SAMD12: variants seen among roughly 807,000 people sequenced by gnomAD.
SAMD12 encodes sterile alpha motif domain-containing protein 12.
SAMD12 carries 9 observed loss-of-function variants against 15.0 expected under a neutral mutation model. The observed-to-expected ratio is 0.60, with a 90% CI of 0.36 to 1.05. SAMD12 has a LOEUF of 1.05. SAMD12 is among the 50% of genes least tolerant of loss of function. The pLI is 0.01. For synonymous variants in SAMD12, 86 were observed against 90.1 expected (o/e 0.96, Z 0.25); for missense variants, 230 against 234.2 (o/e 0.98, Z 0.12).
At chr8:118,344,035 CT>C (rs1446568824) in intron 4 of SAMD12, among the ~76,000 whole-genome samples, 2 of 152,212 alleles carry the variant, frequency 1.3e-5, no homozygotes, top group East Asian at 3.8e-4. Context: ...TGACTTCCAG[CT>C]TCCATTCTGC....
intron 1 of SAMD12, among the ~76,000 whole-genome samples, chr8:118,615,423 G>T (rs1052392405): frequency 2.8e-4 from 43 of 152,194 alleles, no homozygotes; most frequent in African/African-American, 1.0e-3. Context: ...GACTGGCAGG[G>T]GTCAGAGTGG....
At chr8:118,180,547 T>TG in the SAMD12 span, among the ~76,000 whole-genome samples, 1 of 96,012 alleles carries the variant, frequency 1.0e-5, no homozygotes. Flanking sequence ...TCTTTCTCTC[T>TG]CCCTCTCTCT....
intron 4 of SAMD12, among the ~76,000 whole-genome samples, chr8:118,227,524 T>TA (rs1423753203): frequency 2.7e-5 from 4 of 150,910 alleles, no homozygotes; most frequent in Admixed American, 2.0e-4. Flanking sequence ...AAATGAGAGT[T>TA]AAAAAAAAAG....
At chr8:118,373,097 C>T (rs1043691262), downstream of SAMD12, among the ~76,000 whole-genome samples, 1 of 152,048 alleles carries the variant, frequency 6.6e-6, no homozygotes, top group African/African-American at 2.4e-5. Context: ...CAACTGTGTG[C>T]ATTTGCCAAT....
chr8:118,570,747 G>A (rs888230144), intron 2 of SAMD12, among the ~76,000 whole-genome samples: 1 of 152,068 alleles, frequency 6.6e-6, no homozygotes, highest in African/African-American at 2.4e-5. Flanking sequence ...GGGTCATATG[G>A]TTTGGCTGTG....
the SAMD12 span, among the ~76,000 whole-genome samples, chr8:118,171,999 G>A: frequency 0.012 from 1,895 of 152,088 alleles, 44 homozygotes; most frequent in African/African-American, 0.043. Flanking sequence ...GCAAACTATC[G>A]CAAGGACAGA....
chr8:118,167,292 C>T, the SAMD12 span, among the ~76,000 whole-genome samples: 32 of 152,140 alleles, frequency 2.1e-4, no homozygotes, highest in African/African-American at 7.7e-4. Flanking sequence ...ACACCATGGC[C>T]TGCTCCACCA....
At chr8:118,595,489 T>C (rs1827702168) in intron 1 of SAMD12, among the ~76,000 whole-genome samples, 2 of 152,206 alleles carry the variant, frequency 1.3e-5, no homozygotes, top group South Asian at 2.1e-4. Context: ...ACACCAACTG[T>C]TATAATCTAA....
chr8:118,311,018 G>A lies in SAMD12; in HGVS notation c.433+68542C>T, dbSNP rs192471759. On this transcript the variant is annotated intron_variant, in intron 4 of 4. Transcript: ENST00000409003. The stretch of plus-strand genomic sequence containing the variant: ...GGCTAGTCTCCACAATACACTAAAT[G>A]TTCTCTGTTACCTCATTAATTCTCA... Among the ~76,000 whole-genome samples, 178 of 152,302 alleles carry A rather than the reference G, an allele frequency of 1.2e-3. 1 individual carries two copies. Among genetic ancestry groups the A allele is most frequent in the African/African-American group, 4.2e-3 (173 of 41,568 alleles).
chr8:118,380,916 C>A lies in SAMD12; in HGVS notation c.323-1216G>T, dbSNP rs937566436. On this transcript the variant is annotated intron_variant, in intron 3 of 3. Transcript: ENST00000314727. ...TTAGTGGCTACAACAAACTTTACTT[C>A]CAGTTTATTCTGCATGTTAACTGCA... 1.6e-4 allele frequency among the ~76,000 whole-genome samples: 25 copies of A among 152,198 alleles called. 1 individual carries two copies. Among genetic ancestry groups the A allele is most frequent in the African/African-American group, 5.8e-4 (24 of 41,450 alleles).
chr8:118,187,087 G>C (rs954843239), downstream of SAMD12, among the ~76,000 whole-genome samples: 1 of 152,168 alleles, frequency 6.6e-6, no homozygotes, highest in Non-Finnish European at 1.5e-5. Flanking sequence ...ACTAAAAGGA[G>C]AGATATATGA....
intron 4 of SAMD12, among the ~76,000 whole-genome samples, chr8:118,292,907 G>C (rs1487461683): frequency 8.0e-5 from 10 of 125,776 alleles, no homozygotes; most frequent in Non-Finnish European, 1.2e-4. Context: ...GTGGTGGGGT[G>C]GGGGGAGGGG....
intron 2 of SAMD12, among the ~76,000 whole-genome samples, chr8:118,522,675 A>G (rs1453387637): frequency 1.3e-5 from 2 of 152,184 alleles, no homozygotes; most frequent in African/African-American, 2.4e-5. Flanking sequence ...GATTTGTTAC[A>G]CTGAGAAACA....
intron 1 of SAMD12, among the ~76,000 whole-genome samples, chr8:118,599,408 T>C (rs1276420515): frequency 6.6e-6 from 1 of 152,038 alleles, no homozygotes; most frequent in African/African-American, 2.4e-5. Flanking sequence ...GAGAACCAAG[T>C]GACAACCATG....
At chr8:118,408,722 G>T (rs376348732) in intron 3 of SAMD12, among the ~76,000 whole-genome samples, 7 of 151,986 alleles carry the variant, frequency 4.6e-5, no homozygotes, top group African/African-American at 1.7e-4. Context: ...AAGATCAAAA[G>T]GCCATAGTGG....
chr8:118,567,472 T>G (rs1157776470), intron 2 of SAMD12, among the ~76,000 whole-genome samples: 1 of 152,158 alleles, frequency 6.6e-6, no homozygotes, highest in Non-Finnish European at 1.5e-5. Context: ...GAGAAAAGGC[T>G]GCTATCAGAT....
At chr8:118,258,161 C>A (rs1812996704) in intron 4 of SAMD12, among the ~76,000 whole-genome samples, 1 of 152,084 alleles carries the variant, frequency 6.6e-6, no homozygotes, top group Non-Finnish European at 1.5e-5. Context: ...GTGCTAAGAG[C>A]CGGAATGTAC....
At chr8:118,341,018 G>A (rs1012056086) in intron 4 of SAMD12, among the ~76,000 whole-genome samples, 2 of 152,166 alleles carry the variant, frequency 1.3e-5, no homozygotes, top group South Asian at 4.1e-4. Flanking sequence ...AGGCATTCCT[G>A]AAGGGCTCAG....
At chr8:118,337,048 T>C (rs1224465378) in intron 4 of SAMD12, among the ~76,000 whole-genome samples, 1 of 151,806 alleles carries the variant, frequency 6.6e-6, no homozygotes, top group Non-Finnish European at 1.5e-5. Flanking sequence ...CATTAGGAAA[T>C]ATACCTAATG....
Sources: gnomAD v4.1 joint callset for allele counts (sites outside exome capture counted in the v4.1 genomes callset) on GRCh38, gnomAD v4.1.1 for gene constraint, MANE v1.5 for transcripts, NCBI Gene and HGNC (gene_info 2026-07-23, HGNC 2026-07-21) for gene names.